The following CEP63 variants were observed in gnomAD, a reference collection of about 807,000 sequenced individuals.
CEP63 encodes centrosomal protein 63.
Under a neutral mutation model 89.1 loss-of-function variants are expected in CEP63, and 84 were observed. That is an observed-to-expected ratio of 0.94 (90% CI 0.79 to 1.13). The LOEUF is 1.13. CEP63 is among the 50% of genes most tolerant of loss of function. CEP63 has a pLI of 0.00. For synonymous variants in CEP63, 267 were observed against 272.5 expected, an observed-to-expected ratio of 0.98 and a Z score of 0.20; for missense variants, 838 against 813.3, an observed-to-expected ratio of 1.03 and a Z score of -0.37.
At chr3:134,600,878 A>C in the CEP63 span, 1 of 152,250 alleles carries the variant, frequency 6.6e-6, no homozygotes, top group Admixed American at 6.5e-5. Flanking sequence ...TGTACACATA[A>C]GGTAGCGCTG....
At chr3:134,773,994 G>A in the CEP63 span, among the ~76,000 whole-genome samples, 2 of 152,150 alleles carry the variant, frequency 1.3e-5, no homozygotes, top group Non-Finnish European at 2.9e-5. Flanking sequence ...GTGTCCAGCA[G>A]GCAACAGGGA....
the CEP63 span, among the ~76,000 whole-genome samples, chr3:134,596,214 A>C: frequency 6.6e-6 from 1 of 152,202 alleles, no homozygotes; most frequent in South Asian, 2.1e-4. Context: ...TAAAGGAAAG[A>C]AAATTCCATT....
the CEP63 span, among the ~76,000 whole-genome samples, chr3:134,771,746 C>A: frequency 6.6e-6 from 1 of 152,124 alleles, no homozygotes; most frequent in South Asian, 2.1e-4. Flanking sequence ...GTAACAAACC[C>A]ACACCTGCAC....
chr3:134,610,210 G>C, the CEP63 span: 171 of 1,612,690 alleles, frequency 1.1e-4, no homozygotes, highest in Admixed American at 1.4e-3. Flanking sequence ...GGTGAATTTG[G>C]AGGTGATGGT....
At chr3:134,703,587 A>G in the CEP63 span, among the ~76,000 whole-genome samples, 23 of 152,126 alleles carry the variant, frequency 1.5e-4, 1 homozygote, top group African/African-American at 5.1e-4. Flanking sequence ...AGATGCATGG[A>G]CACATGGCCG....
At chr3:134,545,876 GT>G (rs1450484263) in intron 7 of CEP63, 57 bp downstream of exon 7, 3 of 1,294,398 alleles carry the variant, frequency 2.3e-6, no homozygotes, top group Non-Finnish European at 3.3e-6. Context: ...TTTTAAGAGA[GT>G]GTTATTAAGC....
At position 134,558,224 on chromosome 3, in the gene CEP63, A is replaced by G. The variant is rs758679746; in HGVS notation, c.1550A>G (p.Gln517Arg). 8.1e-6 allele frequency: 13 copies of G among 1,613,590 alleles called. No individual in the cohort carries two copies. The South Asian group carries it at 1.2e-4, about 15-fold the overall frequency. The change falls in exon 13 of 15, where the codon CAG becomes CGG. Residue 517 changes from glutamine (Q) to arginine (R), a missense_variant. Transcript: ENST00000675561. The stretch of plus-strand genomic sequence containing the variant: ...TTAGTGTCTGAAAATCAACAACTAC[A>G]GAAAGATTTGATGAATACCAAATCT... ...NKLVSENQQLQKDLMNTKSQL... is the reference protein window; with the variant it reads ...NKLVSENQQLRKDLMNTKSQL...
At chr3:134,521,776 A>T (rs1463616837) in intron 3 of CEP63, among the ~76,000 whole-genome samples, 5 of 152,184 alleles carry the variant, frequency 3.3e-5, no homozygotes, top group Non-Finnish European at 7.4e-5. Context: ...AGTCCAATTA[A>T]CTAAATTGAA....
the CEP63 span, among the ~76,000 whole-genome samples, chr3:134,604,977 T>C: frequency 0.63 from 95,721 of 151,978 alleles, 30,654 homozygotes; most frequent in East Asian, 0.87. Context: ...AGACTGTGCA[T>C]AGGAGGTTGG....
downstream of CEP63, among the ~76,000 whole-genome samples, chr3:134,577,003 A>G (rs112158666): frequency 6.6e-6 from 1 of 152,226 alleles, no homozygotes. Context: ...TAAAGTTTGT[A>G]ACCTCTGCTC....
At chr3:134,651,491 T>G in the CEP63 span, 1 of 1,006,020 alleles carries the variant, frequency 9.9e-7, no homozygotes, top group Non-Finnish European at 1.2e-6. Flanking sequence ...GGCTCCAGAT[T>G]GAATTGCAAG....
chr3:134,571,133 A>C (rs568047851), intron 11 of CEP63, among the ~76,000 whole-genome samples: 28 of 152,338 alleles, frequency 1.8e-4, no homozygotes, highest in African/African-American at 6.5e-4. Context: ...GTTTTTTAAG[A>C]ATATGCCAAA....
At chr3:134,720,029 T>C in the CEP63 span, among the ~76,000 whole-genome samples, 1 of 152,200 alleles carries the variant, frequency 6.6e-6, no homozygotes, top group Non-Finnish European at 1.5e-5. Context: ...CCTACATTTA[T>C]CGTTTTGAGG....
chr3:134,660,144 A>T, the CEP63 span, among the ~76,000 whole-genome samples: 1 of 152,224 alleles, frequency 6.6e-6, no homozygotes, highest in African/African-American at 2.4e-5. Flanking sequence ...GGTCAGGGTG[A>T]TTATGCACAG....
intron 8 of CEP63, 38 bp from the exon 9 acceptor site, chr3:134,547,297 G>A (rs748463054): frequency 4.4e-6 from 7 of 1,602,666 alleles, no homozygotes; most frequent in Non-Finnish European, 6.0e-6. Flanking sequence ...TGTTTGCAGA[G>A]ATAAAGGCGT....
the CEP63 span, among the ~76,000 whole-genome samples, chr3:134,767,937 G>T: frequency 6.6e-6 from 1 of 152,162 alleles, no homozygotes; most frequent in African/African-American, 2.4e-5. Flanking sequence ...AGTGATGGAT[G>T]ATTATTGATC....
At chr3:134,756,306 C>A in the CEP63 span, among the ~76,000 whole-genome samples, 1 of 152,186 alleles carries the variant, frequency 6.6e-6, no homozygotes, top group Non-Finnish European at 1.5e-5. Flanking sequence ...TAGCACTGTA[C>A]TTTTGGCAAG....
At chr3:134,521,257 G>A (rs1222539560) in intron 3 of CEP63, among the ~76,000 whole-genome samples, 1 of 152,084 alleles carries the variant, frequency 6.6e-6, no homozygotes, top group East Asian at 1.9e-4. Context: ...AAAGTTAAAA[G>A]ACTAATAATA....
the CEP63 span, among the ~76,000 whole-genome samples, chr3:134,649,282 A>G: frequency 6.6e-5 from 10 of 151,966 alleles, no homozygotes; most frequent in Admixed American, 2.0e-4. Flanking sequence ...AGCCATGGCG[A>G]GTTTGTGCTA....
Sources: gnomAD v4.1 joint callset for allele counts (sites outside exome capture counted in the v4.1 genomes callset) on GRCh38, gnomAD v4.1.1 for gene constraint, MANE v1.5 for transcripts, NCBI Gene and HGNC (gene_info 2026-07-23, HGNC 2026-07-21) for gene names.